The following DHRS3 variants were observed in gnomAD, a reference collection of about 807,000 sequenced individuals.
The protein encoded by DHRS3 is short-chain dehydrogenase/reductase 3.
Under a neutral mutation model 27.2 loss-of-function variants are expected in DHRS3, and 14 were observed. The observed-to-expected ratio is 0.52, with a 90% CI of 0.34 to 0.81. The LOEUF is 0.81. Ranked by LOEUF, DHRS3 falls within the 30% of genes least tolerant of loss-of-function variation. The pLI is 0.01. For synonymous variants in DHRS3, 165 were observed against 175.9 expected (o/e 0.94, Z 0.49); for missense variants, 322 against 406.2 (o/e 0.79, Z 1.78).
Position 12,580,531 on chromosome 1 carries a change from G to C in DHRS3, c.331C>G (p.Arg111Gly). The change falls in exon 2 of 6, where the codon CGG becomes GGG. Residue 111 changes from arginine (R) to glycine (G), a missense_variant. By Grantham distance (125) the Arg-to-Gly change is moderately radical. Coordinates refer to ENST00000616661, the MANE Select transcript of DHRS3 (RefSeq NM_004753.7). ...CCTCCCAGGCTACAGACCTTCTCCC[G>C]GACGGCCTTGGCCGTCTGGTACACC... ...EEVYQTAKAV[R>G]EKVGDITILV... 1 of 1,614,116 alleles carries C rather than the reference G, an allele frequency of 6.2e-7. No individual in the cohort carries two copies. Among genetic ancestry groups the C allele is most frequent in the Non-Finnish European group, 8.5e-7 (1 of 1,180,034 alleles).
chr1:12,617,266 AC>A lies in DHRS3; in HGVS notation c.82del (p.Val28CysfsTer49). ...CAGGTCCCGCAGCTTGGCGGGCAGC[AC>A]CAGTCCGACGGCTGCTTTCACCACC... ...YLVVKAAVGLVLPAKLRDLSR... is the reference protein window; with the variant it reads ...YLVVKAAVGLXLPAKLRDLSR... On this transcript the variant is annotated frameshift_variant, in exon 1 of 6. Coordinates refer to ENST00000616661, the MANE Select transcript of DHRS3 (RefSeq NM_004753.7). LOFTEE classifies it high-confidence loss of function. 1 of 1,613,828 alleles carries A rather than the reference AC, an allele frequency of 6.2e-7. No individual in the cohort carries two copies. The highest frequency in any genetic ancestry group is 8.5e-7 in the Non-Finnish European group (1 of 1,179,998).
Position 12,593,396 on chromosome 1 carries a change from G to A in DHRS3, c.196-12730C>T, listed in dbSNP as rs1646762766. On this transcript the variant is annotated intron_variant, in intron 1 of 5. Transcript: ENST00000616661. The surrounding 1 kb of genome is among the most constrained non-coding windows in gnomAD (Gnocchi z 4.6). Reference sequence around the variant, plus strand: ...ATTATTATTATTTGTAGAGACGGGGGTATCACATTGTTGCCCAGGCTGGTC... The same window carrying A: ...ATTATTATTATTTGTAGAGACGGGGATATCACATTGTTGCCCAGGCTGGTC... 6.6e-6 allele frequency among the ~76,000 whole-genome samples: 1 copy of A among 151,962 alleles called. No homozygotes were observed. The highest frequency in any genetic ancestry group is 2.4e-5 in the African/African-American group (1 of 41,338).
chr1:12,616,928 C>T (rs1646948578), intron 1 of DHRS3: 1 of 861,384 alleles, frequency 1.2e-6, no homozygotes, highest in African/African-American at 1.8e-5. Context: ...GTCAGCCAGC[C>T]ACCGATCCCA....
intron 2 of DHRS3, 35 bp downstream of exon 2, chr1:12,580,488 G>A (rs748415412): frequency 1.2e-6 from 2 of 1,614,018 alleles, no homozygotes; most frequent in East Asian, 4.5e-5. Flanking sequence ...CCTGTGGTCA[G>A]CTGTGCTAGG....
rs1002350441 is a variant in DHRS3 at position 12,574,533 on chromosome 1, C to T, written c.699-1680G>A. Among the ~76,000 whole-genome samples the T allele has an allele frequency of 1.3e-5, 2 of 152,206 alleles. No homozygotes were observed. Among genetic ancestry groups the T allele is most frequent in the Non-Finnish European group, 2.9e-5 (2 of 68,038 alleles). The stretch of plus-strand genomic sequence containing the variant: ...AGAGGGGCCAGCCTCTGCCATTCTA[C>T]AGAGATGAACGTGTTGAGGCAGCTC... On this transcript the variant is annotated intron_variant, in intron 4 of 5. Transcript: ENST00000616661. This position sits in a 1 kb window ranked among gnomAD's most constrained non-coding sequence, Gnocchi z 4.6.
Position 12,608,668 on chromosome 1 carries a change from TC to T in DHRS3, c.195+8485del, listed in dbSNP as rs200734295. Among the ~76,000 whole-genome samples, 3,566 of 151,750 alleles carry T rather than the reference TC, an allele frequency of 0.023. 125 individuals carry two copies. The highest frequency in any genetic ancestry group is 0.081 in the African/African-American group (3,358 of 41,302). On this transcript the variant is annotated intron_variant, in intron 1 of 5. Transcript: ENST00000616661. This position sits in a 1 kb window ranked among gnomAD's most constrained non-coding sequence, Gnocchi z 4.1. Reference sequence around the variant, plus strand: ...CTAGGAGGTTGTCCAGAACCTAACCTCCCCCAGTGCAGAAATCTCGACACCA... The same window carrying T: ...CTAGGAGGTTGTCCAGAACCTAACCTCCCCAGTGCAGAAATCTCGACACCA...
intron 5 of DHRS3, among the ~76,000 whole-genome samples, chr1:12,570,257 G>C (rs376955335): frequency 1.3e-5 from 2 of 152,210 alleles, no homozygotes; most frequent in East Asian, 1.9e-4. Context: ...TACAACCGGA[G>C]TTCCGACGCT....
rs552652040 is a variant in DHRS3, at chr1:12,583,835, C to T, written c.196-3169G>A. Among the ~76,000 whole-genome samples, 8 of 151,872 alleles carry T rather than the reference C, an allele frequency of 5.3e-5. 2 individuals carry two copies. The highest frequency in any genetic ancestry group is 1.9e-4 in the East Asian group (1 of 5,164). On this transcript the variant is annotated intron_variant, in intron 1 of 5. Coordinates refer to ENST00000616661, the MANE Select transcript of DHRS3 (RefSeq NM_004753.7). ...CATCTACCCTACTCCATCTATCCAA[C>T]CATCCACTCACCTACTCCACTTCAT...
In DHRS3 at chr1:12,568,198, G is replaced by T; in HGVS notation, c.*142C>A. On this transcript the variant is annotated 3_prime_UTR_variant, in exon 6 of 6. Transcript: ENST00000616661. ...GTGCAAAGGTCCTGGGACTGGCCCA[G>T]GGGCAGCCGGATTCTTCGCTGGGGA... 2 of 790,042 alleles carry T rather than the reference G, an allele frequency of 2.5e-6. No homozygotes were observed. The highest frequency in any genetic ancestry group is 4.3e-6 in the Non-Finnish European group (2 of 467,800). The allele number at this position is 790,042 out of a possible 1,614,324, so 48.9% of individuals were successfully genotyped here.
intron 1 of DHRS3, among the ~76,000 whole-genome samples, chr1:12,606,199 G>C (rs1332587376): frequency 6.6e-6 from 1 of 150,800 alleles, no homozygotes; most frequent in African/African-American, 2.4e-5. Context: ...TGTTAAGAAG[G>C]GATGAGATGA....
chr1:12,600,573 GC>G (rs2100707238), intron 1 of DHRS3, among the ~76,000 whole-genome samples: 1 of 152,274 alleles, frequency 6.6e-6, no homozygotes, highest in South Asian at 2.1e-4. Context: ...AGTCACACTG[GC>G]CCCAGCTCCC....
At position 12,591,327 on chromosome 1, in the gene DHRS3, G is replaced by A. The variant is rs976850009; in HGVS notation, c.196-10661C>T. Among the ~76,000 whole-genome samples the A allele has an allele frequency of 5.3e-5, 8 of 152,204 alleles. No individual in the cohort carries two copies. The highest frequency in any genetic ancestry group is 1.9e-4 in the African/African-American group (8 of 41,460). On this transcript the variant is annotated intron_variant, in intron 1 of 5. Coordinates refer to ENST00000616661, the MANE Select transcript of DHRS3 (RefSeq NM_004753.7). The surrounding 1 kb of genome is among the most constrained non-coding windows in gnomAD (Gnocchi z 4.1). ...TGCTGGGCTGCTGAAGCCTAGGCAG[G>A]TCTCTCCCACGTAGCCCTGCAAAAC...
At chr1:12,584,421 G>A (rs940087060) in intron 1 of DHRS3, among the ~76,000 whole-genome samples, 2 of 151,882 alleles carry the variant, frequency 1.3e-5, no homozygotes, top group South Asian at 4.2e-4. Context: ...TGCCCCAGGC[G>A]GGCTGGGGAA....
At chr1:12,597,057 T>A (rs542216330) in intron 1 of DHRS3, among the ~76,000 whole-genome samples, 1 of 151,864 alleles carries the variant, frequency 6.6e-6, no homozygotes, top group Non-Finnish European at 1.5e-5. Flanking sequence ...TTGTGGGGGG[T>A]GGGGAACCTA....
intron 1 of DHRS3, among the ~76,000 whole-genome samples, chr1:12,598,937 G>A (rs977874237): frequency 3.9e-5 from 6 of 152,330 alleles, no homozygotes; most frequent in Middle Eastern, 3.4e-3. Flanking sequence ...TTTTACTGGA[G>A]TATCTCAGCA....
chr1:12,580,651 G>C lies in DHRS3; in HGVS notation c.211C>G (p.Arg71Gly). 6.2e-6 allele frequency: 10 copies of C among 1,613,406 alleles called. No individual in the cohort carries two copies. The highest frequency in any genetic ancestry group is 8.5e-6 in the Non-Finnish European group (10 of 1,179,586). The change falls in exon 2 of 6, where the codon CGG (arginine) becomes GGG (glycine). Residue 71 changes from arginine to glycine, a missense_variant. Transcript: ENST00000616661. ...GTCTCCTTCAGGCATTTCTCAGTCC[G>C]GCCCCAGAGAACAATCTGGAAGAAG... ...RGARKIVLWG[R>G]TEKCLKETTE...
intron 1 of DHRS3, chr1:12,616,945 C>T (rs1646948640): frequency 5.8e-6 from 5 of 868,200 alleles, no homozygotes; most frequent in African/African-American, 3.6e-5. Flanking sequence ...CCCAAAGGAG[C>T]GGATCAACTC....
At position 12,579,336 on chromosome 1, in the gene DHRS3, G is replaced by A; in HGVS notation, c.416C>T (p.Ala139Val). ...GTTGATGTGTTGGGACTTGAGGAGG[G>A]CATCATCATCACTGTCCATTAGGCT... is the stretch of plus-strand genomic sequence containing the variant. ...GKSLMDSDDD[A>V]LLKSQHINTL... The change falls in exon 3 of 6, where the codon GCC becomes GTC. Residue 139 changes from alanine (A) to valine (V), a missense_variant. By Grantham distance (64) the Ala-to-Val change is moderately conservative. Coordinates refer to ENST00000616661, the MANE Select transcript of DHRS3 (RefSeq NM_004753.7). 1.2e-6 allele frequency: 2 copies of A among 1,614,160 alleles called. No homozygotes were observed. Among genetic ancestry groups the A allele is most frequent in the Non-Finnish European group, 8.5e-7 (1 of 1,180,020 alleles).
chr1:12,579,339 T>A lies in DHRS3; in HGVS notation c.413A>T (p.Asp138Val). The change falls in exon 3 of 6, where the codon GAT becomes GTT. Residue 138 changes from aspartate (D) to valine (V), a missense_variant. Physicochemically the swap from Asp to Val is radical, Grantham distance 152. Coordinates refer to ENST00000616661, the MANE Select transcript of DHRS3 (RefSeq NM_004753.7). The stretch of plus-strand genomic sequence containing the variant: ...GATGTGTTGGGACTTGAGGAGGGCA[T>A]CATCATCACTGTCCATTAGGCTCTT... The part of the protein sequence containing the change: ...HGKSLMDSDD[D>V]ALLKSQHINT... The A allele has an allele frequency of 6.2e-7, 1 of 1,614,160 alleles. No individual in the cohort carries two copies. The highest frequency in any genetic ancestry group is 8.5e-7 in the Non-Finnish European group (1 of 1,180,008).
Sources: gnomAD v4.1 joint callset for allele counts (sites outside exome capture counted in the v4.1 genomes callset) on GRCh38, gnomAD v4.1.1 for gene constraint, Gnocchi (gnomAD v3.1) non-coding constraint, MANE v1.5 for transcripts, NCBI Gene and HGNC (gene_info 2026-07-23, HGNC 2026-07-21) for gene names.